The following ZNF813 variants were observed in gnomAD, a reference collection of about 807,000 sequenced individuals.
ZNF813 encodes zinc finger protein 813.
A neutral mutation model predicts 7.2 loss-of-function variants in ZNF813; 3 were observed. The ratio of observed to expected loss-of-function variants is 0.42; its 90% CI spans 0.19 to 1.08. The LOEUF is 1.08. Ranked by LOEUF, ZNF813 falls within the 50% of genes least tolerant of loss-of-function variation. The pLI is 0.30. For missense variants in ZNF813, 714 were observed against 753.3 expected, an observed-to-expected ratio of 0.95 and a Z score of 0.61; for synonymous variants, 227 against 256.3, an observed-to-expected ratio of 0.89 and a Z score of 1.09.
At chr19:53,476,709 A>G (rs1489414900) in intron 1 of ZNF813, among the ~76,000 whole-genome samples, 2 of 151,108 alleles carry the variant, frequency 1.3e-5, no homozygotes, top group East Asian at 4.0e-4. Context: ...GCTTAAGTGC[A>G]GTGGTGCGAT....
At position 53,491,647 on chromosome 19, in the gene ZNF813, G is replaced by A. The variant is rs2086463134; in HGVS notation, c.1415G>A (p.Cys472Tyr). 1.9e-6 allele frequency: 3 copies of A among 1,613,950 alleles called. No homozygotes were observed. The highest frequency in any genetic ancestry group is 2.5e-6 in the Non-Finnish European group (3 of 1,179,864). The change falls in exon 4 of 4, where the codon TGT becomes TAT. Residue 472 changes from cysteine (C) to tyrosine (Y), a missense_variant. Transcript: ENST00000396403. ...IGEKRYKCNE[C>Y]GKTFSRISAL... ...GAGAAACGTTACAAGTGTAATGAGTGTGGCAAGACGTTCAGTCGAATTTCA... is the reference window on the plus strand; with the variant it reads ...GAGAAACGTTACAAGTGTAATGAGTATGGCAAGACGTTCAGTCGAATTTCA...
rs752906708 is a variant in ZNF813 at position 53,494,947 on chromosome 19, C to G, written c.*2861C>G. 8 of 152,236 alleles carry G rather than the reference C, an allele frequency of 5.3e-5. No individual in the cohort carries two copies. The highest frequency in any genetic ancestry group is 1.2e-4 in the Non-Finnish European group (8 of 68,190). The allele number at this position is 152,236 out of a possible 1,614,324, so 9.4% of individuals were successfully genotyped here. On this transcript the variant is annotated 3_prime_UTR_variant, in exon 4 of 4. Coordinates refer to ENST00000396403, the MANE Select transcript of ZNF813 (RefSeq NM_001004301.4). ...TCTGTGGTAGGAGGATAGCTCGAGC[C>G]TGGGAGGTTGAGGCTGCAGTGAGCT...
At chr19:53,468,280 G>A (rs1302573479) in intron 1 of ZNF813, among the ~76,000 whole-genome samples, 2 of 122,756 alleles carry the variant, frequency 1.6e-5, no homozygotes, top group Non-Finnish European at 3.2e-5. Context: ...TCTCCCCTCC[G>A]CAGTCACGGC....
intron 3 of ZNF813, among the ~76,000 whole-genome samples, chr19:53,488,491 C>T (rs1484435708): frequency 6.6e-6 from 1 of 151,496 alleles, no homozygotes; most frequent in Admixed American, 6.6e-5. Context: ...TAACTGCAAC[C>T]TCTGCTTACT....
In ZNF813 at chr19:53,492,470, G is replaced by A. The variant is rs1344354860; in HGVS notation, c.*384G>A. 1 of 429,796 alleles carries A rather than the reference G, an allele frequency of 2.3e-6. No individual in the cohort carries two copies. The highest frequency in any genetic ancestry group is 4.5e-6 in the Non-Finnish European group (1 of 220,120). 26.6% of individuals were successfully genotyped at this position (429,796 alleles called of 1,614,324 possible). ...GCAGAGAAACCATAAAATTGTAAGA[G>A]TTCGTGACAAGGCTTTCGGGCATGA... On this transcript the variant is annotated 3_prime_UTR_variant, in exon 4 of 4. Transcript: ENST00000396403.
intron 1 of ZNF813, among the ~76,000 whole-genome samples, chr19:53,478,254 C>T (rs916987853): frequency 7.9e-5 from 12 of 152,154 alleles, no homozygotes; most frequent in South Asian, 2.1e-4. Flanking sequence ...ACTGCAGCCT[C>T]GACCTCCTGG....
rs1353600854 is a variant in ZNF813, at chr19:53,490,856, A to G, written c.624A>G (p.Val208=). ...CGTTACTCACACAAAAACAGGAGGT[A>G]CACATGAGAGAAAAGTCTTTCCAAT... ...NSSLLTQKQE[V]HMREKSFQCN... is the part of the protein sequence containing the mutation. The change falls in exon 4 of 4, where the codon GTA becomes GTG. Residue 208 remains valine (V), a synonymous_variant. Coordinates refer to ENST00000396403, the MANE Select transcript of ZNF813 (RefSeq NM_001004301.4). 2.5e-6 allele frequency: 4 copies of G among 1,614,124 alleles called. No homozygotes were observed.
chr19:53,492,321 A>C lies in ZNF813; in HGVS notation c.*235A>C, dbSNP rs2086468096. ...ATGTGAAGCATGTGACAAAGTTTAC[A>C]GTGGCAAATCGAGCCTCAAAAGACA... On this transcript the variant is annotated 3_prime_UTR_variant, in exon 4 of 4. Transcript: ENST00000396403. The C allele has an allele frequency of 5.8e-6, 4 of 692,468 alleles. No individual in the cohort carries two copies. Among genetic ancestry groups the C allele is most frequent in the Non-Finnish European group, 9.8e-6 (4 of 409,170 alleles). 42.9% of individuals were successfully genotyped at this position (692,468 alleles called of 1,614,324 possible). A position where few individuals can be genotyped will look rare whatever the true frequency, so the allele number is the denominator to read the frequency against.
rs961453141 is a variant in ZNF813, at chr19:53,494,330, G to T, written c.*2244G>T. The stretch of plus-strand genomic sequence containing the variant: ...GGTCCTAGTTTGAGGCACCCAGAAG[G>T]ATAAGACATGAGTTTTAAAAGAGAC... On this transcript the variant is annotated 3_prime_UTR_variant, in exon 4 of 4. Coordinates refer to ENST00000396403, the MANE Select transcript of ZNF813 (RefSeq NM_001004301.4). The T allele has an allele frequency of 6.6e-6, 1 of 152,136 alleles. No individual in the cohort carries two copies. Among genetic ancestry groups the T allele is most frequent in the East Asian group, 1.9e-4 (1 of 5,182 alleles). 9.4% of individuals were successfully genotyped at this position (152,136 alleles called of 1,614,324 possible).
At chr19:53,470,247 C>A (rs527832391) in intron 1 of ZNF813, among the ~76,000 whole-genome samples, 2 of 152,226 alleles carry the variant, frequency 1.3e-5, no homozygotes, top group East Asian at 1.9e-4. Context: ...TTCGACTTCG[C>A]AAACAGCGTT....
chr19:53,494,330 G>A lies in ZNF813; in HGVS notation c.*2244G>A, dbSNP rs961453141. 6.6e-6 allele frequency: 1 copy of A among 152,136 alleles called. No individual in the cohort carries two copies. Among genetic ancestry groups the A allele is most frequent in the Non-Finnish European group, 1.5e-5 (1 of 68,030 alleles). The allele number at this position is 152,136 out of a possible 1,614,324, so 9.4% of individuals were successfully genotyped here. On this transcript the variant is annotated 3_prime_UTR_variant, in exon 4 of 4. Transcript: ENST00000396403. ...GGTCCTAGTTTGAGGCACCCAGAAG[G>A]ATAAGACATGAGTTTTAAAAGAGAC...
Position 53,492,224 on chromosome 19 carries a change from T to A in ZNF813, c.*138T>A. 7.5e-7 allele frequency: 1 copy of A among 1,324,606 alleles called. No individual in the cohort carries two copies. Among genetic ancestry groups the A allele is most frequent in the Non-Finnish European group, 1.0e-6 (1 of 964,758 alleles). 82.1% of individuals were successfully genotyped at this position (1,324,606 alleles called of 1,614,324 possible). A position where few individuals can be genotyped will look rare whatever the true frequency, so the allele number is the denominator to read the frequency against. Reference sequence around the variant, plus strand: ...TGGAGAGAAACAAGTGTAATGAACGTTGCAAAATTTTTAATCAACAAGCAC... The same window carrying A: ...TGGAGAGAAACAAGTGTAATGAACGATGCAAAATTTTTAATCAACAAGCAC... On this transcript the variant is annotated 3_prime_UTR_variant, in exon 4 of 4. Coordinates refer to ENST00000396403, the MANE Select transcript of ZNF813 (RefSeq NM_001004301.4).
At position 53,495,307 on chromosome 19, in the gene ZNF813, C is replaced by A. The variant is rs2147166113; in HGVS notation, c.*3221C>A. 1 of 152,114 alleles carries A rather than the reference C, an allele frequency of 6.6e-6. No homozygotes were observed. Among genetic ancestry groups the A allele is most frequent in the Non-Finnish European group, 1.5e-5 (1 of 68,038 alleles). The allele number at this position is 152,114 out of a possible 1,614,324, so 9.4% of individuals were successfully genotyped here. A position where few individuals can be genotyped will look rare whatever the true frequency, so the allele number is the denominator to read the frequency against. On this transcript the variant is annotated 3_prime_UTR_variant, in exon 4 of 4. Transcript: ENST00000396403. ...GTGGTGCAATCTCGGCTCACTGCAACCTCTGCCTCCCGGGTTCAAGTGATT... is the reference window on the plus strand; with the variant it reads ...GTGGTGCAATCTCGGCTCACTGCAAACTCTGCCTCCCGGGTTCAAGTGATT...
intron 1 of ZNF813, among the ~76,000 whole-genome samples, chr19:53,473,776 T>C (rs2086370277): frequency 6.6e-6 from 1 of 152,224 alleles, no homozygotes; most frequent in Non-Finnish European, 1.5e-5. Context: ...TTAATTCCTC[T>C]AGTTCTTGGA....
intron 1 of ZNF813, among the ~76,000 whole-genome samples, chr19:53,471,566 T>C (rs1460805059): frequency 6.6e-6 from 1 of 151,940 alleles, no homozygotes; most frequent in Non-Finnish European, 1.5e-5. Context: ...TCCCAGCACT[T>C]TGGGAGGCTG....
chr19:53,490,631 C>T lies in ZNF813; in HGVS notation c.399C>T (p.Asn133=). The change falls in exon 4 of 4, where the codon AAC becomes AAT. Residue 133 remains asparagine, a synonymous_variant. Coordinates refer to ENST00000396403, the MANE Select transcript of ZNF813 (RefSeq NM_001004301.4). ...ADRYDQRHAG[N]KPIKDQLGSS... Reference sequence around the variant, plus strand: ...GATATGATCAAAGGCATGCTGGAAACAAGCCTATTAAAGATCAGCTTGGAT... The same window carrying T: ...GATATGATCAAAGGCATGCTGGAAATAAGCCTATTAAAGATCAGCTTGGAT... 2 of 1,614,178 alleles carry T rather than the reference C, an allele frequency of 1.2e-6. No homozygotes were observed. The highest frequency in any genetic ancestry group is 1.7e-6 in the Non-Finnish European group (2 of 1,180,046).
chr19:53,476,683 T>C (rs1406312572), intron 1 of ZNF813, among the ~76,000 whole-genome samples: 1 of 151,450 alleles, frequency 6.6e-6, no homozygotes, highest in Non-Finnish European at 1.5e-5. Context: ...AGACGGAGTC[T>C]CACTCTGTCG....
At chr19:53,489,563 T>C (rs2086449493) in intron 3 of ZNF813, among the ~76,000 whole-genome samples, 1 of 151,902 alleles carries the variant, frequency 6.6e-6, no homozygotes, top group African/African-American at 2.4e-5. Flanking sequence ...GATTGGGCCA[T>C]AGCACTCCAG....
chr19:53,477,786 C>A (rs540538831), intron 1 of ZNF813, among the ~76,000 whole-genome samples: 83 of 152,226 alleles, frequency 5.5e-4, no homozygotes, highest in Middle Eastern at 3.4e-3. Flanking sequence ...ATGCCACTGC[C>A]CTCCAGCCTG....
Sources: allele counts gnomAD v4.1 joint callset (sites outside exome capture counted in the v4.1 genomes callset), GRCh38; gene constraint gnomAD v4.1.1; transcripts MANE v1.5; gene names NCBI Gene and HGNC (gene_info 2026-07-23, HGNC 2026-07-21).